Variants in ST3GAL3 observed in about 807,000 individuals in gnomAD.
ST3GAL3 encodes ST3 beta-galactoside alpha-2,3-sialyltransferase 3.
Under a neutral mutation model 50.1 loss-of-function variants are expected in ST3GAL3, and 21 were observed. That is an observed-to-expected ratio of 0.42 (90% CI 0.30 to 0.60). The LOEUF is 0.60. Ranked by LOEUF, ST3GAL3 falls within the 20% of genes least tolerant of loss-of-function variation. ST3GAL3 has a pLI of 0.19. For synonymous variants in ST3GAL3, 183 were observed against 190.0 expected, an observed-to-expected ratio of 0.96 and a Z score of 0.30; for missense variants, 353 against 489.4, an observed-to-expected ratio of 0.72 and a Z score of 2.63.
intron 2 of ST3GAL3, among the ~76,000 whole-genome samples, chr1:43,778,069 C>A (rs1572672076): frequency 6.6e-6 from 1 of 152,260 alleles, no homozygotes; most frequent in African/African-American, 2.4e-5. Context: ...AAATGTGGTA[C>A]ATATACACCA....
chr1:43,920,340 C>T, intron 9 of ST3GAL3, 64 bp from the exon 10 acceptor site: 3 of 1,609,874 alleles, frequency 1.9e-6, no homozygotes, highest in Non-Finnish European at 1.7e-6. Context: ...GGGGTCCCTG[C>T]CACTCCCCTA....
chr1:43,887,436 G>T (rs1159224865), intron 5 of ST3GAL3, among the ~76,000 whole-genome samples: 1 of 152,184 alleles, frequency 6.6e-6, no homozygotes, highest in Non-Finnish European at 1.5e-5. Flanking sequence ...AGTGGGTTTG[G>T]AGTGTAGAAG....
intron 5 of ST3GAL3, among the ~76,000 whole-genome samples, chr1:43,859,516 G>A (rs1034972673): frequency 8.6e-5 from 13 of 151,740 alleles, no homozygotes; most frequent in Admixed American, 2.0e-4. Flanking sequence ...CCGAGATCAC[G>A]CCATTGCACT....
intron 4 of ST3GAL3, among the ~76,000 whole-genome samples, chr1:43,837,872 TTATC>T: frequency 6.6e-6 from 1 of 152,276 alleles, no homozygotes; most frequent in Non-Finnish European, 1.5e-5. Flanking sequence ...CCTGACTTAT[TTATC>T]TATCTATTCC....
intron 2 of ST3GAL3, among the ~76,000 whole-genome samples, chr1:43,787,705 A>C (rs1019810445): frequency 6.6e-6 from 1 of 152,070 alleles, no homozygotes; most frequent in Non-Finnish European, 1.5e-5. Context: ...TACCCTTATC[A>C]CTTTATTTTT....
chr1:43,926,522 G>GAGGTTGCAGTGAGCCA (rs2083973700), intron 11 of ST3GAL3, among the ~76,000 whole-genome samples: 1 of 138,966 alleles, frequency 7.2e-6, no homozygotes, highest in Non-Finnish European at 1.6e-5. Context: ...TCGGGAGGCA[G>GAGGTTGCAGTGAGCCA]AGGTTGCAGT....
intron 4 of ST3GAL3, among the ~76,000 whole-genome samples, chr1:43,815,534 C>G (rs1364571269): frequency 1.3e-5 from 2 of 152,144 alleles, no homozygotes; most frequent in Non-Finnish European, 2.9e-5. Context: ...AGTTATCTCA[C>G]TATACTGTAA....
At chr1:43,794,641 C>G (rs7553818) in intron 3 of ST3GAL3, among the ~76,000 whole-genome samples, 53,356 of 152,044 alleles carry the variant, frequency 0.35, 10,399 homozygotes, top group East Asian at 0.59. Flanking sequence ...TTTATAAGAA[C>G]ATTGTTCATA....
intron 4 of ST3GAL3, among the ~76,000 whole-genome samples, chr1:43,818,673 A>C (rs2061706877): frequency 6.6e-6 from 1 of 152,218 alleles, no homozygotes; most frequent in Non-Finnish European, 1.5e-5. Flanking sequence ...CATCATTTAT[A>C]AAGCAATTAA....
chr1:43,908,928 G>A (rs149832735), intron 9 of ST3GAL3, among the ~76,000 whole-genome samples: 63 of 152,074 alleles, frequency 4.1e-4, no homozygotes, highest in African/African-American at 1.3e-3. Flanking sequence ...CACTGCGCCC[G>A]GCCCTTGCCA....
chr1:43,736,118 G>T, intron 1 of ST3GAL3, 115 bp from the exon 2 acceptor site: 1 of 1,009,816 alleles, frequency 9.9e-7, no homozygotes, highest in Non-Finnish European at 1.5e-6. Context: ...TGATATGAAA[G>T]TGATAACTCT....
At position 43,882,541 on chromosome 1, in the gene ST3GAL3, T is replaced by A. The variant is rs568135427; in HGVS notation, c.303-11842T>A. On this transcript the variant is annotated intron_variant, in intron 5 of 11. Coordinates refer to ENST00000347631, the MANE Select transcript of ST3GAL3 (RefSeq NM_006279.5). Reference sequence around the variant, plus strand: ...TGAACTATCTTTAGGCCCACCTGAATCTAGGACTCAAACAGTGTCTTCCTC... The same window carrying A: ...TGAACTATCTTTAGGCCCACCTGAAACTAGGACTCAAACAGTGTCTTCCTC... Among the ~76,000 whole-genome samples the A allele has an allele frequency of 3.9e-5, 6 of 152,320 alleles. No homozygotes were observed. In the East Asian group the frequency reaches 1.2e-3, roughly 29 times the overall value.
rs773814511 is a variant in ST3GAL3 at position 43,894,401 on chromosome 1, C to A, written c.321C>A (p.Pro107=). 1.9e-6 allele frequency: 3 copies of A among 1,614,052 alleles called. No individual in the cohort carries two copies. In the African/African-American group the frequency reaches 4.0e-5, roughly 22 times the overall value. The change falls in exon 6 of 12, where the codon CCC becomes CCA. Residue 107 remains proline (P), a synonymous_variant. Transcript: ENST00000347631. ...ATTCCAGGTTCTCCAAGCCAGCACC[C>A]ATGTTCCTGGATGACTCCTTTCGCA... ...AIFPRFSKPA[P]MFLDDSFRKW...
In ST3GAL3 at chr1:43,899,562, A is replaced by G. The variant is rs1322196122; in HGVS notation, c.579A>G (p.Lys193=). The G allele has an allele frequency of 6.2e-7, 1 of 1,613,642 alleles. No homozygotes were observed. Among genetic ancestry groups the G allele is most frequent in the East Asian group, 2.2e-5 (1 of 44,874 alleles). Residue 193 remains lysine, a synonymous_variant, in exon 9 of 12, where the codon AAA becomes AAG. Transcript: ENST00000347631. This position sits in a 1 kb window ranked among gnomAD's most constrained non-coding sequence, Gnocchi z 5.4. Reference sequence around the variant, plus strand: ...GTAGACTGAATTCAGCACCAGTGAAAGGCTTTGAGAAGGACGTGGGCAGCA... The same window carrying G: ...GTAGACTGAATTCAGCACCAGTGAAGGGCTTTGAGAAGGACGTGGGCAGCA... ...IVVRLNSAPV[K]GFEKDVGSKT...
chr1:43,875,987 A>T (rs1172824029), intron 5 of ST3GAL3, among the ~76,000 whole-genome samples: 2 of 144,672 alleles, frequency 1.4e-5, no homozygotes, highest in East Asian at 2.0e-4. Context: ...ATTATTTTTG[A>T]GACAGGGTCT....
chr1:43,710,561 G>A (rs766147907), intron 1 of ST3GAL3, among the ~76,000 whole-genome samples: 2 of 152,156 alleles, frequency 1.3e-5, no homozygotes, highest in African/African-American at 4.8e-5. Flanking sequence ...CCCATTATCT[G>A]TTGCGTTAGG....
chr1:43,920,880 C>G lies in ST3GAL3; in HGVS notation c.990C>G (p.Asn330Lys). 2.5e-6 allele frequency: 4 copies of G among 1,614,108 alleles called. No homozygotes were observed. Among genetic ancestry groups the G allele is most frequent in the Non-Finnish European group, 3.4e-6 (4 of 1,180,012 alleles). Residue 330 changes from asparagine (N) to lysine (K), a missense_variant, in exon 11 of 12, where the codon AAC becomes AAG. Physicochemically the swap from Asn to Lys is moderately conservative, Grantham distance 94 (BLOSUM62 0). Transcript: ENST00000347631. ...AGFGYDMSTPNAPLHYYETVR... is the reference protein window; with the variant it reads ...AGFGYDMSTPKAPLHYYETVR... ...TTGGCTATGACATGAGCACACCCAA[C>G]GCACCCCTGCACTACTATGAGACCG...
chr1:43,752,847 T>C (rs1686689803), intron 2 of ST3GAL3, among the ~76,000 whole-genome samples: 1 of 152,246 alleles, frequency 6.6e-6, no homozygotes, highest in Non-Finnish European at 1.5e-5. Flanking sequence ...CTTGTTCATC[T>C]AATTTCACTT....
At chr1:43,827,213 A>C (rs1236378855) in intron 4 of ST3GAL3, among the ~76,000 whole-genome samples, 1 of 152,246 alleles carries the variant, frequency 6.6e-6, no homozygotes, top group African/African-American at 2.4e-5. Context: ...TTCTGGAACT[A>C]ATAAGCAATT....
Sources: allele counts gnomAD v4.1 joint callset (sites outside exome capture counted in the v4.1 genomes callset), GRCh38; gene constraint gnomAD v4.1.1; non-coding constraint Gnocchi (gnomAD v3.1); transcripts MANE v1.5; gene names NCBI Gene and HGNC (gene_info 2026-07-23, HGNC 2026-07-21).